Variants in TASP1 observed in about 807,000 individuals in gnomAD.
The protein encoded by TASP1 is taspase 1, also known as threonine aspartase 1.
Under a neutral mutation model 56.6 loss-of-function variants are expected in TASP1, and 16 were observed. That is an observed-to-expected ratio of 0.28 (90% CI 0.19 to 0.43). The LOEUF (loss-of-function observed/expected upper bound fraction) is 0.43. Ranked by LOEUF, TASP1 falls within the 20% of genes least tolerant of loss-of-function variation. The pLI is 1.00. For missense variants in TASP1, 393 were observed against 511.6 expected, an observed-to-expected ratio of 0.77 and a Z score of 2.24; for synonymous variants, 179 against 184.2, an observed-to-expected ratio of 0.97 and a Z score of 0.23.
At chr20:13,173,622 A>T in the TASP1 span, among the ~76,000 whole-genome samples, 90 of 152,298 alleles carry the variant, frequency 5.9e-4, no homozygotes, top group Admixed American at 5.9e-3. Context: ...AACCATGGGC[A>T]TGCTAAGTCT....
the TASP1 span, among the ~76,000 whole-genome samples, chr20:13,194,339 A>G: frequency 6.6e-6 from 1 of 152,138 alleles, no homozygotes; most frequent in South Asian, 2.1e-4. Context: ...AAATCCCTCT[A>G]GGTTTTGCAT....
the TASP1 span, among the ~76,000 whole-genome samples, chr20:13,309,770 T>TA: frequency 1.9e-4 from 29 of 151,862 alleles, no homozygotes; most frequent in East Asian, 3.1e-3. Flanking sequence ...AAAATTAACA[T>TA]AAAAAAATCA....
chr20:13,572,685 C>CAAA (rs71188164), intron 6 of TASP1, among the ~76,000 whole-genome samples: 27,978 of 83,698 alleles, frequency 0.33, 5,166 homozygotes, highest in Non-Finnish European at 0.42. Context: ...GACTCCATCT[C>CAAA]AAAAAAAAAA....
At chr20:13,384,943 G>A (rs951063646), downstream of TASP1, among the ~76,000 whole-genome samples, 2 of 150,954 alleles carry the variant, frequency 1.3e-5, no homozygotes, top group African/African-American at 5.0e-5. Flanking sequence ...CAGGAAGACT[G>A]GGTTTTGCGG....
the TASP1 span, among the ~76,000 whole-genome samples, chr20:13,325,549 A>G: frequency 6.6e-6 from 1 of 152,190 alleles, no homozygotes. Context: ...GTTTCCTGGA[A>G]CAGTTACCTA....
chr20:13,321,246 C>G, the TASP1 span, among the ~76,000 whole-genome samples: 1 of 77,692 alleles, frequency 1.3e-5, no homozygotes. Context: ...TAGTCATGTG[C>G]CCCACATAAA....
At chr20:13,113,532 A>C in the TASP1 span, among the ~76,000 whole-genome samples, 1 of 152,214 alleles carries the variant, frequency 6.6e-6, no homozygotes, top group Non-Finnish European at 1.5e-5. Context: ...ACAACTCCAC[A>C]AAACTAATAA....
chr20:13,607,391 T>G (rs1011366696), intron 4 of TASP1, among the ~76,000 whole-genome samples: 1 of 152,234 alleles, frequency 6.6e-6, no homozygotes, highest in African/African-American at 2.4e-5. Flanking sequence ...TTTAATGTCC[T>G]TTGCTGAAGG....
the TASP1 span, among the ~76,000 whole-genome samples, chr20:13,268,046 T>A: frequency 6.6e-6 from 1 of 152,240 alleles, no homozygotes; most frequent in East Asian, 1.9e-4. Flanking sequence ...CATTCAGCTA[T>A]CTCCCCTTTG....
chr20:13,579,266 T>C (rs1464744177), intron 6 of TASP1, among the ~76,000 whole-genome samples: 1 of 152,210 alleles, frequency 6.6e-6, no homozygotes, highest in Admixed American at 6.5e-5. Flanking sequence ...GGACTCCGCA[T>C]GCACCTACTG....
At chr20:13,392,995 G>T in intron 13 of TASP1, 1 of 581,752 alleles carries the variant, frequency 1.7e-6, no homozygotes, top group South Asian at 1.6e-5. Context: ...CATGGAGAAG[G>T]CTGGAGCTCA....
At chr20:13,139,434 T>A in the TASP1 span, among the ~76,000 whole-genome samples, 1 of 152,208 alleles carries the variant, frequency 6.6e-6, no homozygotes, top group African/African-American at 2.4e-5. Flanking sequence ...GTGTTTCTGT[T>A]GGGCAAGACA....
chr20:13,342,365 A>G, the TASP1 span, among the ~76,000 whole-genome samples: 1 of 152,338 alleles, frequency 6.6e-6, no homozygotes, highest in South Asian at 2.1e-4. Context: ...TCTGTCTGCC[A>G]TGTGTATTAA....
chr20:13,418,201 C>T lies in TASP1; in HGVS notation c.1097-680G>A, dbSNP rs561426856. ...TGCTGAGATTACAGGTGTGAGCCAC[C>T]GCACCCAGCCCTTAATTTCTAAATA... is the stretch of plus-strand genomic sequence containing the variant. On this transcript the variant is annotated intron_variant, in intron 12 of 13. Transcript: ENST00000337743. 3.3e-5 allele frequency among the ~76,000 whole-genome samples: 5 copies of T among 152,270 alleles called. No individual in the cohort carries two copies. In the South Asian group the frequency reaches 6.2e-4, roughly 19 times the overall value.
intron 4 of TASP1, among the ~76,000 whole-genome samples, chr20:13,587,810 C>T (rs1228948815): frequency 6.6e-6 from 1 of 151,884 alleles, no homozygotes; most frequent in East Asian, 1.9e-4. Flanking sequence ...AAGGGAACTT[C>T]TTAACTTGAC....
chr20:13,221,433 G>GGCCCA, the TASP1 span, among the ~76,000 whole-genome samples: 1 of 146,298 alleles, frequency 6.8e-6, no homozygotes, highest in African/African-American at 2.5e-5. Context: ...GGCCCGGCCC[G>GGCCCA]GGTCCCGGGC....
chr20:13,572,075 A>G (rs141914109), intron 6 of TASP1, among the ~76,000 whole-genome samples: 62 of 152,312 alleles, frequency 4.1e-4, no homozygotes, highest in African/African-American at 1.4e-3. Flanking sequence ...AACATATTAC[A>G]TAATTGATAA....
chr20:13,362,839 T>TA, the TASP1 span, among the ~76,000 whole-genome samples: 1 of 64,670 alleles, frequency 1.5e-5, no homozygotes, highest in Non-Finnish European at 3.8e-5. Context: ...ATATATATAT[T>TA]TGTCTCTCCC....
chr20:13,264,557 C>G, the TASP1 span, among the ~76,000 whole-genome samples: 1 of 152,378 alleles, frequency 6.6e-6, no homozygotes, highest in African/African-American at 2.4e-5. Context: ...CTCACTCCCT[C>G]TCTTTTGTAT....
Sources: allele counts gnomAD v4.1 joint callset (sites outside exome capture counted in the v4.1 genomes callset), GRCh38; gene constraint gnomAD v4.1.1; transcripts MANE v1.5; gene names NCBI Gene and HGNC (gene_info 2026-07-23, HGNC 2026-07-21).